NPAS2: variants seen among roughly 807,000 people sequenced by gnomAD.
NPAS2 encodes neuronal PAS domain protein 2.
In NPAS2, 23 loss-of-function variants were observed where a neutral mutation model predicts 107.5. That is an observed-to-expected ratio of 0.21 (90% CI 0.15 to 0.30). The LOEUF is 0.30. NPAS2 is among the 10% of genes least tolerant of loss of function. The pLI is 1.00. For synonymous variants in NPAS2, 403 were observed against 417.5 expected, an observed-to-expected ratio of 0.97 and a Z score of 0.42; for missense variants, 756 against 1,043.3, an observed-to-expected ratio of 0.72 and a Z score of 3.79.
intron 2 of NPAS2, among the ~76,000 whole-genome samples, chr2:100,918,434 T>G (rs1683021385): frequency 6.6e-6 from 1 of 152,138 alleles, no homozygotes; most frequent in Non-Finnish European, 1.5e-5. Context: ...ACTCACTCTG[T>G]AAGTTACTAT....
At chr2:100,859,641 A>G (rs1238377877) in intron 1 of NPAS2, among the ~76,000 whole-genome samples, 1 of 152,110 alleles carries the variant, frequency 6.6e-6, no homozygotes, top group Non-Finnish European at 1.5e-5. Context: ...AACAGCATAG[A>G]AGGACACCTT....
At chr2:100,972,124 C>G (rs929278061) in intron 12 of NPAS2, among the ~76,000 whole-genome samples, 5 of 151,788 alleles carry the variant, frequency 3.3e-5, no homozygotes, top group African/African-American at 4.8e-5. Flanking sequence ...ATTTTTGTGT[C>G]TTTCATAGAG....
rs914317136 is a variant in NPAS2 at position 100,965,043 on chromosome 2, GAA to G, written c.800+102_800+103del. Reference sequence around the variant, plus strand: ...AGAGAAGAGTCGGCCCTGGTCCATTGAAAGAGGAGGACTCTCTGGCACTAGGA... The same window carrying G: ...AGAGAAGAGTCGGCCCTGGTCCATTGAGAGGAGGACTCTCTGGCACTAGGA... On this transcript the variant is annotated intron_variant, in intron 9 of 20. Coordinates refer to ENST00000335681, the MANE Select transcript of NPAS2 (RefSeq NM_002518.4). This position sits in a 1 kb window ranked among gnomAD's most constrained non-coding sequence, Gnocchi z 4.3. 3 of 741,210 alleles carry G rather than the reference GAA, an allele frequency of 4.0e-6. No homozygotes were observed. Among genetic ancestry groups the G allele is most frequent in the Non-Finnish European group, 6.4e-6 (3 of 466,826 alleles). 45.9% of individuals were successfully genotyped at this position (741,210 alleles called of 1,614,324 possible).
At chr2:100,888,018 T>A (rs1432037377) in intron 1 of NPAS2, among the ~76,000 whole-genome samples, 2 of 152,216 alleles carry the variant, frequency 1.3e-5, no homozygotes, top group Admixed American at 1.3e-4. Context: ...TGTGGTTGAA[T>A]CTGTTTGCCC....
At chr2:100,907,246 G>T (rs1242390800) in intron 2 of NPAS2, among the ~76,000 whole-genome samples, 2 of 152,154 alleles carry the variant, frequency 1.3e-5, no homozygotes, top group South Asian at 4.2e-4. Flanking sequence ...TGGGCTAAAA[G>T]TTCCTAGAAA....
rs748498924 is a variant in NPAS2, at chr2:100,993,511, C to T, written c.2276C>T (p.Pro759Leu). ...CCTGCACAGGCCCGGCAGCAGCCAC[C>T]GCAGCACTACCTGCAGGTGGGTGCC... is the stretch of plus-strand genomic sequence containing the variant. ...LQPAQARQQP[P>L]QHYLQVQAPT... The change falls in exon 20 of 21, where the codon CCG (proline) becomes CTG (leucine). Residue 759 changes from proline (P) to leucine (L), a missense_variant. Pro to Leu is a moderately conservative substitution (Grantham distance 98). Coordinates refer to ENST00000335681, the MANE Select transcript of NPAS2 (RefSeq NM_002518.4). 1.6e-5 allele frequency: 26 copies of T among 1,578,078 alleles called. No individual in the cohort carries two copies. The East Asian group carries it at 2.8e-4, about 17-fold the overall frequency.
At chr2:100,944,270 C>G (rs1674754977) in intron 5 of NPAS2, among the ~76,000 whole-genome samples, 1 of 152,184 alleles carries the variant, frequency 6.6e-6, no homozygotes, top group Non-Finnish European at 1.5e-5. Flanking sequence ...GATCTCAAGC[C>G]AAAACTGCCA....
chr2:100,912,595 G>A (rs1490991350), intron 2 of NPAS2, among the ~76,000 whole-genome samples: 2 of 152,206 alleles, frequency 1.3e-5, no homozygotes, highest in Non-Finnish European at 2.9e-5. Flanking sequence ...ATGGTGGGTA[G>A]AACCCCCTGA....
intron 1 of NPAS2, among the ~76,000 whole-genome samples, chr2:100,887,235 G>A (rs1680752371): frequency 6.6e-6 from 1 of 152,192 alleles, no homozygotes; most frequent in East Asian, 1.9e-4. Context: ...CTGAGACTCA[G>A]GGGAATTCCC....
intron 1 of NPAS2, among the ~76,000 whole-genome samples, chr2:100,892,599 T>A (rs1243121508): frequency 6.6e-6 from 1 of 152,174 alleles, no homozygotes; most frequent in East Asian, 1.9e-4. Flanking sequence ...CCTTGCCGTT[T>A]CCAGGTCAGA....
chr2:100,819,279 C>G (rs1017060784), upstream of NPAS2, among the ~76,000 whole-genome samples: 1 of 152,142 alleles, frequency 6.6e-6, no homozygotes, highest in Non-Finnish European at 1.5e-5. The surrounding 1 kb of genome is among the most constrained non-coding windows in gnomAD (Gnocchi z 5.8). Flanking sequence ...TCCAAGTGCC[C>G]GCTCCTGGCC....
At chr2:100,897,962 G>C (rs542614054) in intron 1 of NPAS2, among the ~76,000 whole-genome samples, 3 of 152,306 alleles carry the variant, frequency 2.0e-5, no homozygotes, top group Admixed American at 1.3e-4. Flanking sequence ...GAGCCCAAGA[G>C]GAGAGGCAAA....
chr2:100,936,527 CT>C (rs1684309790), intron 4 of NPAS2, among the ~76,000 whole-genome samples: 1 of 152,164 alleles, frequency 6.6e-6, no homozygotes, highest in Admixed American at 6.5e-5. Context: ...CATTTCTAGT[CT>C]CCTCCCCCTC....
chr2:100,891,297 T>TA (rs1351539770), intron 1 of NPAS2, among the ~76,000 whole-genome samples: 36 of 151,912 alleles, frequency 2.4e-4, no homozygotes, highest in Non-Finnish European at 4.1e-4. Context: ...GGGTGCTTTC[T>TA]ACCAACAAGG....
chr2:100,962,438 A>C (rs566633430), intron 7 of NPAS2, among the ~76,000 whole-genome samples: 78 of 152,296 alleles, frequency 5.1e-4, no homozygotes, highest in African/African-American at 1.8e-3. Flanking sequence ...ATGATATTCC[A>C]GTTCAGAATG....
chr2:100,979,488 ATATATATATATATATTTTTTTTTTTT>A (rs1677270808), intron 15 of NPAS2, among the ~76,000 whole-genome samples: 5 of 65,498 alleles, frequency 7.6e-5, no homozygotes, highest in African/African-American at 3.6e-4. Context: ...AACTATATAT[ATATATATATATATATTTTTTTTTTTT>A]TTTTTTTTTT....
At chr2:100,867,031 C>T (rs1679297614) in intron 1 of NPAS2, among the ~76,000 whole-genome samples, 1 of 152,192 alleles carries the variant, frequency 6.6e-6, no homozygotes, top group Admixed American at 6.5e-5. Context: ...GGTCACCTGA[C>T]AAATAGCTGA....
At chr2:100,876,959 A>G (rs966903385) in intron 1 of NPAS2, among the ~76,000 whole-genome samples, 3 of 152,200 alleles carry the variant, frequency 2.0e-5, no homozygotes, top group Non-Finnish European at 4.4e-5. Context: ...ACATGACAGA[A>G]AACTGGTAGA....
chr2:100,878,532 C>G, intron 1 of NPAS2: 11 of 985,384 alleles, frequency 1.1e-5, no homozygotes, highest in Non-Finnish European at 1.3e-5. Context: ...GTTTGTTCTT[C>G]TAAAGGAACA....
Sources: gnomAD v4.1 joint callset for allele counts (sites outside exome capture counted in the v4.1 genomes callset) on GRCh38, gnomAD v4.1.1 for gene constraint, Gnocchi (gnomAD v3.1) non-coding constraint, MANE v1.5 for transcripts, NCBI Gene and HGNC (gene_info 2026-07-23, HGNC 2026-07-21) for gene names.